EIF4E3: variants seen among roughly 807,000 people sequenced by gnomAD.
The protein encoded by EIF4E3 is eukaryotic translation initiation factor 4E type 3.
Under a neutral mutation model 31.7 loss-of-function variants are expected in EIF4E3, and 26 were observed. That is an observed-to-expected ratio of 0.82 (90% CI 0.60 to 1.14). The LOEUF (loss-of-function observed/expected upper bound fraction) is 1.14. EIF4E3 is among the 50% of genes most tolerant of loss of function. The probability of loss-of-function intolerance (pLI) is 0.00; values close to 1 mark genes in which losing one functional copy is unlikely to be tolerated. For synonymous variants in EIF4E3, 128 were observed against 107.7 expected (o/e 1.19, Z -1.17); for missense variants, 304 against 270.9 (o/e 1.12, Z -0.86).
chr3:71,701,873 T>A (rs960957158), intron 2 of EIF4E3, among the ~76,000 whole-genome samples: 1 of 152,164 alleles, frequency 6.6e-6, no homozygotes, highest in African/African-American at 2.4e-5. Flanking sequence ...GCTAGTGTAG[T>A]GAGGAGTTAA....
chr3:71,745,505 T>C (rs1426340476), intron 1 of EIF4E3, among the ~76,000 whole-genome samples: 1 of 152,188 alleles, frequency 6.6e-6, no homozygotes, highest in East Asian at 1.9e-4. Context: ...ATAAAGTATA[T>C]TCACTGTAAT....
chr3:71,684,810 C>G, intron 6 of EIF4E3, 82 bp from the exon 7 acceptor site: 4 of 1,415,118 alleles, frequency 2.8e-6, no homozygotes, highest in Non-Finnish European at 3.9e-6. Flanking sequence ...CTCTAGGCAT[C>G]TCATTCAGCT....
downstream of EIF4E3, among the ~76,000 whole-genome samples, chr3:71,672,748 C>T (rs543744804): frequency 2.0e-5 from 3 of 152,258 alleles, no homozygotes; most frequent in South Asian, 4.1e-4. Context: ...AGTTCTTCTC[C>T]GCAGAGCTGC....
In EIF4E3 at chr3:71,725,325, CCCGGGCCCCGGCGGGGGGCGCGGCGG is replaced by C; in HGVS notation, c.17_42del (p.Ala6GlyfsTer29). 1 of 972,100 alleles carries C rather than the reference CCCGGGCCCCGGCGGGGGGCGCGGCGG, an allele frequency of 1.0e-6. No homozygotes were observed. Among genetic ancestry groups the C allele is most frequent in the Non-Finnish European group, 1.2e-6 (1 of 820,162 alleles). 60.2% of individuals were successfully genotyped at this position (972,100 alleles called of 1,614,324 possible). On this transcript the variant is annotated frameshift_variant, in exon 1 of 7. Coordinates refer to ENST00000425534, the MANE Select transcript of EIF4E3 (RefSeq NM_001134651.2). LOFTEE classifies it high-confidence loss of function. This position sits in a 1 kb window ranked among gnomAD's most constrained non-coding sequence, Gnocchi z 6.1. ...GCGGCGGCGCGGGACCCCGGCGGCTCCCGGGCCCCGGCGGGGGGCGCGGCGGCCGGGGGCAGCGCCATTTTCTCCGC... is the reference window on the plus strand; with the variant it reads ...GCGGCGGCGCGGGACCCCGGCGGCTCCCGGGGGCAGCGCCATTTTCTCCGC...
At chr3:71,686,540 T>TTGAGTG (rs2048993348) in intron 6 of EIF4E3, among the ~76,000 whole-genome samples, 1 of 107,174 alleles carries the variant, frequency 9.3e-6, no homozygotes, top group African/African-American at 3.5e-5. Context: ...ATATTTCACA[T>TTGAGTG]TGAGTGTGTG....
At chr3:71,713,952 T>TGTA (rs2049420099) in intron 1 of EIF4E3, among the ~76,000 whole-genome samples, 1 of 152,134 alleles carries the variant, frequency 6.6e-6, no homozygotes, top group South Asian at 2.1e-4. Context: ...GGTTCACACC[T>TGTA]GTAATCTCTG....
intron 1 of EIF4E3, among the ~76,000 whole-genome samples, chr3:71,714,544 C>T (rs1305264221): frequency 6.6e-6 from 1 of 152,192 alleles, no homozygotes; most frequent in Non-Finnish European, 1.5e-5. Flanking sequence ...CAGAGGAAGG[C>T]ATGGCGTCCT....
intron 2 of EIF4E3, among the ~76,000 whole-genome samples, chr3:71,708,599 C>T (rs1035259518): frequency 1.1e-4 from 16 of 151,970 alleles, no homozygotes; most frequent in African/African-American, 3.9e-4. Flanking sequence ...GTCAGGAAAA[C>T]CAAGCCAATC....
At chr3:71,674,670 G>A (rs1347125345), downstream of EIF4E3, among the ~76,000 whole-genome samples, 2 of 152,126 alleles carry the variant, frequency 1.3e-5, no homozygotes, top group Non-Finnish European at 2.9e-5. Flanking sequence ...AGTTAAGCTG[G>A]GCCAATACCT....
rs1220058372 is a variant in EIF4E3, at chr3:71,682,099, G to T, written c.*2583C>A. 6.6e-6 allele frequency: 1 copy of T among 152,156 alleles called. No individual in the cohort carries two copies. Among genetic ancestry groups the T allele is most frequent in the African/African-American group, 2.4e-5 (1 of 41,434 alleles). The allele number at this position is 152,156 out of a possible 1,614,324, so 9.4% of individuals were successfully genotyped here. ...AATATAGGCAAGTTACTTTAAATGG[G>T]TATTATTTGTCCTTACTTTCCCAAT... On this transcript the variant is annotated 3_prime_UTR_variant, in exon 7 of 7. Transcript: ENST00000425534.
At chr3:71,686,028 T>A (rs2048986315) in intron 6 of EIF4E3, among the ~76,000 whole-genome samples, 1 of 152,152 alleles carries the variant, frequency 6.6e-6, no homozygotes, top group Non-Finnish European at 1.5e-5. Context: ...GTCACCCAGG[T>A]TGGAGTGCAG....
rs1006500321 is a variant in EIF4E3, at chr3:71,698,963, G to A, written c.344+651C>T. ...TGGCTGGGCCTGGTGGCTCATGCCT[G>A]TAATCCCAGCACTTTAGAAGGCTGA... On this transcript the variant is annotated intron_variant, in intron 3 of 6. Coordinates refer to ENST00000425534, the MANE Select transcript of EIF4E3 (RefSeq NM_001134651.2). 2.0e-5 allele frequency among the ~76,000 whole-genome samples: 3 copies of A among 152,204 alleles called. No homozygotes were observed. In the East Asian group the frequency reaches 5.8e-4, roughly 29 times the overall value.
rs376671852 is a variant in EIF4E3 at position 71,736,762 on chromosome 3, A to G, written c.-290-8139T>C. Among the ~76,000 whole-genome samples the G allele has an allele frequency of 2.6e-5, 4 of 152,336 alleles. No homozygotes were observed. The East Asian group carries it at 7.7e-4, about 29-fold the overall frequency. On this transcript the variant is annotated intron_variant, in intron 1 of 7. Transcript: ENST00000295612. ...ATTGGACACTCATCAAAACCCATAGAATATACAAATCCGAGAGTGAGCCCT... is the reference window on the plus strand; with the variant it reads ...ATTGGACACTCATCAAAACCCATAGGATATACAAATCCGAGAGTGAGCCCT...
At chr3:71,725,966 C>T (rs1025185610), upstream of EIF4E3, among the ~76,000 whole-genome samples, 1 of 152,032 alleles carries the variant, frequency 6.6e-6, no homozygotes, top group African/African-American at 2.4e-5. The surrounding 1 kb of genome is among the most constrained non-coding windows in gnomAD (Gnocchi z 6.1). Flanking sequence ...AGAGGGGAAC[C>T]GATGGCCAAA....
upstream of EIF4E3, among the ~76,000 whole-genome samples, chr3:71,730,096 C>T (rs2049689368): frequency 2.0e-5 from 3 of 152,098 alleles, no homozygotes; most frequent in Admixed American, 6.5e-5. Flanking sequence ...GAGGCCCTCA[C>T]TGAAGCTTCC....
At position 71,749,113 on chromosome 3, in the gene EIF4E3, ACCTTGTGC is replaced by A. The variant is rs1238882856; in HGVS notation, c.-291+4342_-291+4349del. 2.0e-5 allele frequency among the ~76,000 whole-genome samples: 3 copies of A among 152,354 alleles called. No individual in the cohort carries two copies. In the East Asian group the frequency reaches 5.8e-4, roughly 29 times the overall value. On this transcript the variant is annotated intron_variant, in intron 1 of 7. Coordinates refer to the EIF4E3 transcript ENST00000295612. ...TTTATTGCACACGACTTGTGTGCAC[ACCTTGTGC>A]TACACTCTTTGTAAATGAATCTCAT...
intron 1 of EIF4E3, among the ~76,000 whole-genome samples, chr3:71,714,395 C>T (rs2049434503): frequency 6.6e-6 from 1 of 152,062 alleles, no homozygotes; most frequent in Non-Finnish European, 1.5e-5. Flanking sequence ...ACTCAGTTTC[C>T]TAATTTCTTC....
chr3:71,703,811 C>CAAAAAAAA (rs370789059), intron 2 of EIF4E3, among the ~76,000 whole-genome samples: 24 of 72,346 alleles, frequency 3.3e-4, no homozygotes, highest in South Asian at 5.5e-4. Flanking sequence ...AAACACACAT[C>CAAAAAAAA]AAAAAAAAAA....
chr3:71,670,949 C>T (rs1003083314), downstream of EIF4E3, among the ~76,000 whole-genome samples: 6 of 152,038 alleles, frequency 3.9e-5, no homozygotes, highest in Admixed American at 1.3e-4. Flanking sequence ...CCAGTCTTCT[C>T]ACTTCGCAAA....
Sources: gnomAD v4.1 joint callset for allele counts (sites outside exome capture counted in the v4.1 genomes callset) on GRCh38, gnomAD v4.1.1 for gene constraint, Gnocchi (gnomAD v3.1) non-coding constraint, MANE v1.5 for transcripts, NCBI Gene and HGNC (gene_info 2026-07-23, HGNC 2026-07-21) for gene names.